Variants in ARAP1 observed in about 807,000 individuals in gnomAD.
ARAP1 encodes arf-GAP with Rho-GAP domain, ANK repeat and PH domain-containing protein 1.
Under a neutral mutation model 172.2 loss-of-function variants are expected in ARAP1, and 76 were observed. The observed-to-expected ratio is 0.44, with a 90% CI of 0.37 to 0.53. The LOEUF (loss-of-function observed/expected upper bound fraction) is 0.53, where lower values mean the gene tolerates loss of function less well. Ranked by LOEUF, ARAP1 falls within the 20% of genes least tolerant of loss-of-function variation. The pLI is 0.00. For synonymous variants in ARAP1, 804 were observed against 803.3 expected (o/e 1.00, Z -0.01); for missense variants, 1,686 against 1,977.5 (o/e 0.85, Z 2.80).
intron 11 of ARAP1, chr11:72,708,161 C>T (rs1856849759): frequency 6.6e-6 from 1 of 152,176 alleles, no homozygotes; most frequent in Non-Finnish European, 1.5e-5. Flanking sequence ...TGAGTCTACT[C>T]CACCCATGAC....
intron 1 of ARAP1, among the ~76,000 whole-genome samples, chr11:72,735,070 T>A (rs1857978234): frequency 2.0e-5 from 3 of 152,102 alleles, no homozygotes; most frequent in Admixed American, 2.0e-4. Context: ...AACCTCTGCC[T>A]CTTGGGCCCA....
At chr11:72,750,216 C>T (rs975224306) in intron 1 of ARAP1, among the ~76,000 whole-genome samples, 2 of 152,220 alleles carry the variant, frequency 1.3e-5, no homozygotes, top group African/African-American at 4.8e-5. Flanking sequence ...GAGCCCAGGG[C>T]CCGGTCCAGG....
chr11:72,723,528 CTG>C (rs1423673440), intron 3 of ARAP1, among the ~76,000 whole-genome samples: 2 of 152,200 alleles, frequency 1.3e-5, no homozygotes, highest in African/African-American at 4.8e-5. Flanking sequence ...TTCTTCCCAC[CTG>C]TCTCCTCTGA....
At chr11:72,685,794 T>G (rs2135479344) in intron 34 of ARAP1, 113 bp from the exon 35 acceptor site, 2 of 1,472,254 alleles carry the variant, frequency 1.4e-6, no homozygotes, top group Non-Finnish European at 1.9e-6. Context: ...CGGGGAGCAC[T>G]CCAATCAGCC....
chr11:72,713,268 C>A (rs1291124417), intron 4 of ARAP1, 25 bp from the exon 5 acceptor site: 18 of 1,612,358 alleles, frequency 1.1e-5, no homozygotes, highest in Non-Finnish European at 1.4e-5. Flanking sequence ...GTTGGGGGGC[C>A]TCAGGGCAAG....
In ARAP1 at chr11:72,711,278, C is replaced by A; in HGVS notation, c.1093-137G>T. On this transcript the variant is annotated intron_variant, in intron 8 of 34. Coordinates refer to ENST00000393609, the MANE Select transcript of ARAP1 (RefSeq NM_001040118.3). Reference sequence around the variant, plus strand: ...CCCTGTGCTGACCCTGACTGCAGCCCTCAGCAGGCAGAGGGCCAGGAGGAC... The same window carrying A: ...CCCTGTGCTGACCCTGACTGCAGCCATCAGCAGGCAGAGGGCCAGGAGGAC... 3 of 1,480,568 alleles carry A rather than the reference C, an allele frequency of 2.0e-6. No individual in the cohort carries two copies. The South Asian group carries it at 3.8e-5, about 19-fold the overall frequency. The allele number at this position is 1,480,568 out of a possible 1,614,324, so 91.7% of individuals were successfully genotyped here.
rs1857644255 is a variant in ARAP1 at position 72,725,055 on chromosome 11, C to T, written c.509+1565G>A. ...GTCTATGGAGGACCACAGAGGGCAC[C>T]TGATGGGGAAACAGGCCCAGAGAAG... On this transcript the variant is annotated intron_variant, in intron 3 of 34. Coordinates refer to ENST00000393609, the MANE Select transcript of ARAP1 (RefSeq NM_001040118.3). This position sits in a 1 kb window ranked among gnomAD's most constrained non-coding sequence, Gnocchi z 4.3. Among the ~76,000 whole-genome samples the T allele has an allele frequency of 6.6e-6, 1 of 152,156 alleles. No individual in the cohort carries two copies. Among genetic ancestry groups the T allele is most frequent in the Non-Finnish European group, 1.5e-5 (1 of 68,024 alleles).
intron 15 of ARAP1, 123 bp downstream of exon 15, chr11:72,702,782 A>T (rs1006174374): frequency 1.2e-5 from 15 of 1,254,706 alleles, no homozygotes; most frequent in Middle Eastern, 2.7e-4. Context: ...AGCACACCCC[A>T]GCTCACACAT....
At chr11:72,691,244 A>C (rs1337103120) in intron 30 of ARAP1, among the ~76,000 whole-genome samples, 8 of 152,234 alleles carry the variant, frequency 5.3e-5, no homozygotes, top group Non-Finnish European at 2.9e-5. Flanking sequence ...TAAGGATTCC[A>C]TGTCTCAGTA....
At chr11:72,719,364 G>A (rs1857413564) in intron 3 of ARAP1, among the ~76,000 whole-genome samples, 1 of 152,236 alleles carries the variant, frequency 6.6e-6, no homozygotes, top group South Asian at 2.1e-4. Flanking sequence ...AACAGGGCCT[G>A]TCCCACGTCA....
rs769669938 is a variant in ARAP1, at chr11:72,687,677, C to CGCT, written c.4121+8_4121+10dup. 5 of 1,614,162 alleles carry CGCT rather than the reference C, an allele frequency of 3.1e-6. No homozygotes were observed. In the East Asian group the frequency reaches 1.1e-4, roughly 36 times the overall value. On this transcript the variant is annotated intron_variant, in intron 32 of 34. Transcript: ENST00000393609. ...CTCAGCCTGGGATCTCAGGATGAGG[C>CGCT]GCTCACTCACCACTGCTGCTTCTCA...
At chr11:72,707,960 C>T (rs1856843268) in intron 11 of ARAP1, among the ~76,000 whole-genome samples, 1 of 152,120 alleles carries the variant, frequency 6.6e-6, no homozygotes, top group Admixed American at 6.5e-5. Flanking sequence ...TGACATGCTC[C>T]ATAACCCCAC....
intron 3 of ARAP1, among the ~76,000 whole-genome samples, chr11:72,722,641 C>T (rs1447029567): frequency 2.0e-5 from 3 of 152,198 alleles, no homozygotes; most frequent in Admixed American, 6.5e-5. Context: ...GACTGCAGGG[C>T]AGTCAAGGGC....
At position 72,695,489 on chromosome 11, in the gene ARAP1, G is replaced by A; in HGVS notation, c.3508-34C>T. ...AGACAGGGCTCAGCTGGGGGCCTAG[G>A]AAATGGGTGCAGGTGGCAGGTCCAA... On this transcript the variant is annotated intron_variant, in intron 25 of 34. Coordinates refer to ENST00000393609, the MANE Select transcript of ARAP1 (RefSeq NM_001040118.3). This position sits in a 1 kb window ranked among gnomAD's most constrained non-coding sequence, Gnocchi z 4.4. 1 of 1,614,216 alleles carries A rather than the reference G, an allele frequency of 6.2e-7. No homozygotes were observed. Among genetic ancestry groups the A allele is most frequent in the Non-Finnish European group, 8.5e-7 (1 of 1,180,040 alleles).
chr11:72,686,074 T>TCCGGCGCCCC lies in ARAP1; in HGVS notation c.4302_4303insGGGGCGCCGG (p.Ser1435GlyfsTer29). 6.2e-7 allele frequency: 1 copy of TCCGGCGCCCC among 1,614,084 alleles called. No homozygotes were observed. The highest frequency in any genetic ancestry group is 8.5e-7 in the Non-Finnish European group (1 of 1,180,030). The stretch of plus-strand genomic sequence containing the variant: ...GGGTCCGCGGTGAAGGCAGCCACAC[T>TCCGGCGCCCC]CCGGCGCATTTCATTTTCACTACCT... On this transcript the variant is annotated frameshift_variant, in exon 34 of 35. Coordinates refer to ENST00000393609, the MANE Select transcript of ARAP1 (RefSeq NM_001040118.3). LOFTEE classifies it high-confidence loss of function.
intron 13 of ARAP1, 69 bp downstream of exon 13, chr11:72,705,736 C>T: frequency 6.5e-7 from 1 of 1,534,768 alleles, no homozygotes; most frequent in East Asian, 2.3e-5. Context: ...AGGGAGGGGG[C>T]TGGGAGACCC....
chr11:72,705,622 G>T, intron 13 of ARAP1, 183 bp downstream of exon 13: 1 of 541,156 alleles, frequency 1.8e-6, no homozygotes. Flanking sequence ...TTAGCTCACT[G>T]GCCAGTTTGC....
rs764536419 is a variant in ARAP1, at chr11:72,685,149, C to A, written c.*515G>T. The A allele has an allele frequency of 6.3e-5, 10 of 157,554 alleles. No individual in the cohort carries two copies. Among genetic ancestry groups the A allele is most frequent in the Non-Finnish European group, 1.4e-4 (10 of 71,406 alleles). 9.8% of individuals were successfully genotyped at this position (157,554 alleles called of 1,614,324 possible). On this transcript the variant is annotated 3_prime_UTR_variant, in exon 35 of 35. Coordinates refer to ENST00000393609, the MANE Select transcript of ARAP1 (RefSeq NM_001040118.3). ...GGGGCATCAGGTAGTCTGGACCCCC[C>A]ACTCAGCCCAGACTGGAAGGAAGGC...
chr11:72,745,929 G>A (rs932442971), intron 1 of ARAP1, among the ~76,000 whole-genome samples: 1 of 152,132 alleles, frequency 6.6e-6, no homozygotes, highest in Non-Finnish European at 1.5e-5. Context: ...AGCTAGGGAT[G>A]GTAGCTCCTA....
Sources: gnomAD v4.1 joint callset for allele counts (sites outside exome capture counted in the v4.1 genomes callset) on GRCh38, gnomAD v4.1.1 for gene constraint, Gnocchi (gnomAD v3.1) non-coding constraint, MANE v1.5 for transcripts, NCBI Gene and HGNC (gene_info 2026-07-23, HGNC 2026-07-21) for gene names.